Variants in PRKD3 observed in about 807,000 individuals in gnomAD.
PRKD3 encodes the protein serine/threonine-protein kinase D3.
In PRKD3, 47 loss-of-function variants were observed where a neutral mutation model predicts 99.2. The ratio of observed to expected loss-of-function variants is 0.47; its 90% confidence interval spans 0.38 to 0.60. PRKD3 has a LOEUF of 0.60. PRKD3 is among the 20% of genes least tolerant of loss of function. PRKD3 has a pLI of 0.00. For synonymous variants in PRKD3, 392 were observed against 355.4 expected (o/e 1.10, Z -1.16); for missense variants, 1,019 against 1,088.4 (o/e 0.94, Z 0.90).
At chr2:37,268,272 G>A (rs1011509000) in intron 13 of PRKD3, 1 of 469,334 alleles carries the variant, frequency 2.1e-6, no homozygotes, top group Non-Finnish European at 4.4e-6. Context: ...GAACAAATGT[G>A]TGCATTTTTG....
chr2:37,316,799 T>C lies in PRKD3; in HGVS notation c.-275A>G. On this transcript the variant is annotated 5_prime_UTR_variant, in exon 2 of 19. Coordinates refer to ENST00000234179, the MANE Select transcript of PRKD3 (RefSeq NM_005813.6). ...GGATTTGTAAAGGATTTAACATCAC[T>C]GAGCTATCCTCAGCAGGATAGAGTT... 7.9e-7 allele frequency: 1 copy of C among 1,272,002 alleles called. No homozygotes were observed. Among genetic ancestry groups the C allele is most frequent in the Non-Finnish European group, 9.9e-7 (1 of 1,006,852 alleles). The allele number at this position is 1,272,002 out of a possible 1,614,324, so 78.8% of individuals were successfully genotyped here. A position where few individuals can be genotyped will look rare whatever the true frequency, so the allele number is the denominator to read the frequency against.
intron 17 of PRKD3, among the ~76,000 whole-genome samples, chr2:37,255,286 T>G (rs1667842799): frequency 6.8e-6 from 1 of 146,434 alleles, no homozygotes; most frequent in Non-Finnish European, 1.5e-5. Context: ...TAGTTAATCC[T>G]ATGATTAGGC....
chr2:37,279,815 T>C lies in PRKD3; in HGVS notation c.1103A>G (p.Asp368Gly). The change falls in exon 8 of 19, where the codon GAT (aspartate) becomes GGT (glycine). Residue 368 changes from aspartate (D) to glycine (G), a missense_variant. Physicochemically the swap from Asp to Gly is moderately conservative, Grantham distance 94. Transcript: ENST00000234179. ...DDTEEPSPPE[D>G]KMFFLDPSDL... The stretch of plus-strand genomic sequence containing the variant: ...AGATGGATCCAAGAAGAACATCTTA[T>C]CTTCTGGGGGTGATGGCTCTTCTGT... 6.2e-7 allele frequency: 1 copy of C among 1,613,952 alleles called. No homozygotes were observed. Among genetic ancestry groups the C allele is most frequent in the Non-Finnish European group, 8.5e-7 (1 of 1,179,972 alleles).
chr2:37,293,362 T>G (rs1041670019), intron 2 of PRKD3, 91 bp from the exon 3 acceptor site: 2 of 1,276,036 alleles, frequency 1.6e-6, no homozygotes, highest in Non-Finnish European at 2.1e-6. Flanking sequence ...TAAAACATAG[T>G]GTTTTTAACC....
Position 37,254,192 on chromosome 2 carries a change from A to T in PRKD3, c.2499+12T>A. 1.3e-6 allele frequency: 2 copies of T among 1,554,956 alleles called. No homozygotes were observed. The highest frequency in any genetic ancestry group is 1.8e-6 in the Non-Finnish European group (2 of 1,131,296). On this transcript the variant is annotated intron_variant, in intron 18 of 18. Coordinates refer to ENST00000234179, the MANE Select transcript of PRKD3 (RefSeq NM_005813.6). ...ATGAGGATTGCCAAAGAGAGATTAC[A>T]TTTTTTTTTACCTGTAGCCAGGGAT...
chr2:37,263,250 T>G (rs1430681006), intron 14 of PRKD3, among the ~76,000 whole-genome samples: 4 of 152,206 alleles, frequency 2.6e-5, no homozygotes, highest in Non-Finnish European at 4.4e-5. Flanking sequence ...TTCTGAAATT[T>G]TGATTTCGCT....
chr2:37,294,831 T>C (rs1035594220), intron 2 of PRKD3, among the ~76,000 whole-genome samples: 1 of 152,156 alleles, frequency 6.6e-6, no homozygotes, highest in African/African-American at 2.4e-5. Flanking sequence ...TCCCAGCACT[T>C]TGGAAGGCCA....
chr2:37,302,161 G>A (rs2124871773), intron 2 of PRKD3, among the ~76,000 whole-genome samples: 1 of 152,288 alleles, frequency 6.6e-6, no homozygotes, highest in East Asian at 1.9e-4. Flanking sequence ...AAAAGAAAGA[G>A]GAAATTAAAG....
chr2:37,319,277 G>A (rs1671779235), intron 1 of PRKD3, among the ~76,000 whole-genome samples: 1 of 152,158 alleles, frequency 6.6e-6, no homozygotes, highest in Admixed American at 6.5e-5. Flanking sequence ...ACTGGAGTGT[G>A]GGTTGGATGT....
Position 37,258,906 on chromosome 2 carries a change from C to T in PRKD3, c.2145+677G>A, listed in dbSNP as rs1045102268. Among the ~76,000 whole-genome samples, 6 of 152,184 alleles carry T rather than the reference C, an allele frequency of 3.9e-5. No homozygotes were observed. The East Asian group carries it at 5.8e-4, about 15-fold the overall frequency. ...TTTGGCAACAGATATTTGAGCTGAT[C>T]GGAGGAATCATCCTTGCCAATTATG... On this transcript the variant is annotated intron_variant, in intron 16 of 18. Coordinates refer to ENST00000234179, the MANE Select transcript of PRKD3 (RefSeq NM_005813.6).
intron 5 of PRKD3, among the ~76,000 whole-genome samples, chr2:37,288,017 T>C (rs907006011): frequency 3.3e-5 from 5 of 152,210 alleles, no homozygotes; most frequent in Non-Finnish European, 7.4e-5. Context: ...AATTCAGACA[T>C]GTAACTGCAC....
chr2:37,254,375 A>G (rs572087598), intron 17 of PRKD3, 86 bp from the exon 18 acceptor site: 1 of 975,042 alleles, frequency 1.0e-6, no homozygotes, highest in Non-Finnish European at 1.6e-6. Flanking sequence ...AGTTCAACCC[A>G]TAGAAATACA....
intron 2 of PRKD3, among the ~76,000 whole-genome samples, chr2:37,311,155 A>G (rs1007032633): frequency 8.5e-5 from 13 of 152,204 alleles, no homozygotes; most frequent in African/African-American, 2.9e-4. Flanking sequence ...GCTACAAGCT[A>G]TCAAAGTAGT....
rs766000246 is a variant in PRKD3 at position 37,274,424 on chromosome 2, G to A, written c.1648C>T (p.His550Tyr). The A allele has an allele frequency of 6.2e-7, 1 of 1,614,040 alleles. No homozygotes were observed. Among genetic ancestry groups the A allele is most frequent in the Admixed American group, 1.7e-5 (1 of 60,024 alleles). Residue 550 changes from histidine (H) to tyrosine (Y), a missense_variant, in exon 11 of 19, where the codon CAC (histidine) becomes TAC (tyrosine). Physicochemically the swap from His to Tyr is moderately conservative, Grantham distance 83 (BLOSUM62 2). Coordinates refer to ENST00000234179, the MANE Select transcript of PRKD3 (RefSeq NM_005813.6). ...CATCAAGAAGTTTATTGCTTACTGTGATCTTTCCCTTGCCCTGGAGAAGTG... is the reference window on the plus strand; with the variant it reads ...CATCAAGAAGTTTATTGCTTACTGTAATCTTTCCCTTGCCCTGGAGAAGTG... ...VCTSPGQGKD[H>Y]KDLSTSISVS...
At chr2:37,276,975 C>A (rs1051565178) in intron 9 of PRKD3, among the ~76,000 whole-genome samples, 7 of 151,976 alleles carry the variant, frequency 4.6e-5, no homozygotes, top group Non-Finnish European at 8.8e-5. Context: ...GGTAGGCACA[C>A]CACTTCAAGT....
intron 1 of PRKD3, chr2:37,324,116 A>C (rs1413043409): frequency 9.5e-6 from 9 of 949,012 alleles, no homozygotes; most frequent in Non-Finnish European, 1.0e-5. Context: ...AGCAACTCGG[A>C]ACAATGCTGC....
Position 37,275,640 on chromosome 2 carries a change from A to C in PRKD3, c.1374+127T>G, listed in dbSNP as rs181076447. 2.5e-5 allele frequency: 26 copies of C among 1,034,802 alleles called. No homozygotes were observed. The African/African-American group carries it at 3.4e-4, about 13-fold the overall frequency. 64.1% of individuals were successfully genotyped at this position (1,034,802 alleles called of 1,614,324 possible). ...AAATAGTTGCTTCAACAAGGAACCT[A>C]ACAGTGACTTCTATAAACCATACTA... On this transcript the variant is annotated intron_variant, in intron 10 of 18. Coordinates refer to ENST00000234179, the MANE Select transcript of PRKD3 (RefSeq NM_005813.6).
chr2:37,254,874 G>A (rs1667808457), intron 17 of PRKD3, among the ~76,000 whole-genome samples: 2 of 152,156 alleles, frequency 1.3e-5, no homozygotes, highest in Admixed American at 6.5e-5. Context: ...GTTTCAGGGT[G>A]TTTTAGTGTA....
rs1168698411 is a variant in PRKD3, at chr2:37,256,708, A to G, written c.2367T>C (p.Ala789=). 1.3e-6 allele frequency: 2 copies of G among 1,595,330 alleles called. No homozygotes were observed. Among genetic ancestry groups the G allele is most frequent in the East Asian group, 2.3e-5 (1 of 43,704 alleles). ...ATGGATTTGGTGGGTACATAAATGC[A>G]GCATTTTGGATTTGGTCATTTATAT... is the stretch of plus-strand genomic sequence containing the variant. ...DEDINDQIQN[A]AFMYPPNPWR... Residue 789 remains alanine, a synonymous_variant, in exon 17 of 19, where the codon GCT becomes GCC. Transcript: ENST00000234179.
Sources: allele counts gnomAD v4.1 joint callset (sites outside exome capture counted in the v4.1 genomes callset), GRCh38; gene constraint gnomAD v4.1.1; transcripts MANE v1.5; gene names NCBI Gene and HGNC (gene_info 2026-07-23, HGNC 2026-07-21).